Variants in C4orf51 observed in about 807,000 individuals in gnomAD.
C4orf51 encodes chromosome 4 open reading frame 51.
C4orf51 carries 25 observed loss-of-function variants against 25.2 expected under a neutral mutation model. That is an observed-to-expected ratio of 0.99 (90% CI 0.72 to 1.39). The LOEUF is 1.39. Among genes scored for constraint, C4orf51 ranks in the 40% most tolerant of loss-of-function variants. C4orf51 has a pLI of 0.00. For missense variants in C4orf51, 252 were observed against 239.6 expected, an observed-to-expected ratio of 1.05 and a Z score of -0.34; for synonymous variants, 100 against 84.5, an observed-to-expected ratio of 1.18 and a Z score of -1.01.
chr4:145,744,885 A>G (rs970293610), intron 1 of C4orf51, among the ~76,000 whole-genome samples: 3 of 152,020 alleles, frequency 2.0e-5, no homozygotes. Flanking sequence ...ACCTTGACGA[A>G]TAGTATGGTG....
At chr4:145,706,450 A>G (rs1730816097) in intron 2 of C4orf51, among the ~76,000 whole-genome samples, 1 of 152,112 alleles carries the variant, frequency 6.6e-6, no homozygotes, top group Non-Finnish European at 1.5e-5. Flanking sequence ...TTATAAAGTG[A>G]TATTCTTTAC....
chr4:145,783,049 CT>C, the C4orf51 span, among the ~76,000 whole-genome samples: 1 of 150,978 alleles, frequency 6.6e-6, no homozygotes, highest in African/African-American at 2.4e-5. Context: ...TATTATATCA[CT>C]TGTTTACATA....
chr4:145,727,968 A>T (rs865827216), intron 3 of C4orf51, among the ~76,000 whole-genome samples: 2 of 89,350 alleles, frequency 2.2e-5, no homozygotes, highest in African/African-American at 3.8e-5. Context: ...ATAATATATA[A>T]TATAATATAT....
At chr4:145,721,644 C>G (rs1731746957) in intron 2 of C4orf51, among the ~76,000 whole-genome samples, 1 of 152,174 alleles carries the variant, frequency 6.6e-6, no homozygotes, top group East Asian at 1.9e-4. Flanking sequence ...TTTCCAAATT[C>G]CCTGCAGAGA....
chr4:145,681,839 C>T (rs1728857950), intron 1 of C4orf51, among the ~76,000 whole-genome samples: 1 of 152,162 alleles, frequency 6.6e-6, no homozygotes, highest in African/African-American at 2.4e-5. Flanking sequence ...ACACTTATGA[C>T]CTAGTCACCT....
At chr4:145,781,195 C>CAAAAAAA in the C4orf51 span, among the ~76,000 whole-genome samples, 41 of 56,548 alleles carry the variant, frequency 7.3e-4, no homozygotes, top group South Asian at 1.1e-3. Context: ...GACACCATCT[C>CAAAAAAA]AAAAAAAAAA....
chr4:145,774,636 G>C, downstream of C4orf51: 1 of 1,613,892 alleles, frequency 6.2e-7, no homozygotes, highest in Non-Finnish European at 8.5e-7. Context: ...TGACAAACTG[G>C]ACATTGAGCT....
At chr4:145,682,917 G>A (rs867061388) in intron 1 of C4orf51, among the ~76,000 whole-genome samples, 10 of 151,744 alleles carry the variant, frequency 6.6e-5, no homozygotes, top group African/African-American at 2.2e-4. Flanking sequence ...GGAATGAAAT[G>A]GCATACAAAT....
intron 4 of C4orf51, among the ~76,000 whole-genome samples, chr4:145,729,585 G>A (rs926333507): frequency 1.4e-4 from 22 of 152,156 alleles, no homozygotes; most frequent in South Asian, 4.1e-4. Context: ...ACAGGCGTGA[G>A]CCACCATGCC....
chr4:145,740,240 CAAAAAAA>C (rs60310006), intron 1 of C4orf51, among the ~76,000 whole-genome samples: 1 of 104,834 alleles, frequency 9.5e-6, no homozygotes, highest in East Asian at 2.7e-4. Context: ...TCCCTTTCTG[CAAAAAAA>C]AAAAAAAAAA....
rs1010065672 is a variant in C4orf51, at chr4:145,732,634, C to A, written c.*74C>A. On this transcript the variant is annotated 3_prime_UTR_variant, in exon 6 of 6. Transcript: ENST00000438731. ...ACAACTTTGAGGTATGGGGCCCTCC[C>A]AACACCCTCCCCCCACCCGCCCCGC... 1.0e-5 allele frequency: 10 copies of A among 980,986 alleles called. No individual in the cohort carries two copies. Among genetic ancestry groups the A allele is most frequent in the Middle Eastern group, 3.1e-4 (1 of 3,234 alleles). 60.8% of individuals were successfully genotyped at this position (980,986 alleles called of 1,614,324 possible). A position where few individuals can be genotyped will look rare whatever the true frequency, so the allele number is the denominator to read the frequency against.
At chr4:145,782,531 C>A in the C4orf51 span, among the ~76,000 whole-genome samples, 1 of 152,194 alleles carries the variant, frequency 6.6e-6, no homozygotes. Flanking sequence ...TTATGCAGGT[C>A]TTTCTAGACC....
intron 2 of C4orf51, among the ~76,000 whole-genome samples, chr4:145,705,054 TTGCAGTGGCC>T (rs1464737835): frequency 3.3e-5 from 5 of 152,226 alleles, no homozygotes; most frequent in African/African-American, 1.2e-4. Flanking sequence ...CTGTCTGCAC[TTGCAGTGGCC>T]TGCTAACACT....
intron 1 of C4orf51, among the ~76,000 whole-genome samples, chr4:145,767,982 G>T (rs1042229071): frequency 6.6e-6 from 1 of 152,122 alleles, no homozygotes; most frequent in African/African-American, 2.4e-5. Flanking sequence ...GTCTTTAAAA[G>T]ATAAAAGTAA....
intron 3 of C4orf51, among the ~76,000 whole-genome samples, chr4:145,727,392 C>G (rs939467340): frequency 6.6e-6 from 1 of 152,266 alleles, no homozygotes; most frequent in South Asian, 2.1e-4. Flanking sequence ...TCTCTCTATA[C>G]TTATGTATAC....
At chr4:145,736,292 G>A (rs1732799460), downstream of C4orf51, among the ~76,000 whole-genome samples, 1 of 151,698 alleles carries the variant, frequency 6.6e-6, no homozygotes, top group African/African-American at 2.4e-5. Flanking sequence ...CAGGTGACGA[G>A]CACAGCCCTG....
chr4:145,692,832 C>T (rs970758345), intron 1 of C4orf51, among the ~76,000 whole-genome samples: 5 of 152,184 alleles, frequency 3.3e-5, no homozygotes, highest in Non-Finnish European at 7.4e-5. Flanking sequence ...ACTTCCCACC[C>T]AGTCCCTGCT....
In C4orf51 at chr4:145,710,952, T is replaced by G. The variant is rs139323524; in HGVS notation, c.307+14320T>G. On this transcript the variant is annotated intron_variant, in intron 2 of 5. Transcript: ENST00000438731. ...ACTTATCTGAGGAATTTAGAAGTAA[T>G]TAGATTTTCCTATTATCTAAAGCTG... is the stretch of plus-strand genomic sequence containing the variant. 1.1e-3 allele frequency among the ~76,000 whole-genome samples: 161 copies of G among 152,252 alleles called. 2 individuals are homozygous for G. The East Asian group carries it at 0.025, about 24-fold the overall frequency.
rs186259540 is a variant in C4orf51, at chr4:145,747,666, C to T, written n.168-6541C>T. On this transcript the variant is annotated intron_variant and non_coding_transcript_variant, in intron 1 of 1. Coordinates refer to the C4orf51 transcript ENST00000508981. ...ATTGATCTTTAGTCTCCCTTCCTCC[C>T]CGCTTCTTTCCCTCCCTCCCTCCCT... Among the ~76,000 whole-genome samples, 15 of 147,962 alleles carry T rather than the reference C, an allele frequency of 1.0e-4. No individual in the cohort carries two copies. In the East Asian group the frequency reaches 3.1e-3, roughly 31 times the overall value.
Sources: gnomAD v4.1 joint callset for allele counts (sites outside exome capture counted in the v4.1 genomes callset) on GRCh38, gnomAD v4.1.1 for gene constraint, MANE v1.5 for transcripts, NCBI Gene and HGNC (gene_info 2026-07-23, HGNC 2026-07-21) for gene names.